Variants in INSYN2A observed in about 807,000 individuals in gnomAD.
INSYN2A encodes inhibitory synaptic factor 2A.
INSYN2A carries 17 observed loss-of-function variants against 39.4 expected under a neutral mutation model. That is an observed-to-expected ratio of 0.43 (90% confidence interval 0.30 to 0.65). INSYN2A has a LOEUF of 0.65. Ranked by LOEUF, INSYN2A falls within the 30% of genes least tolerant of loss-of-function variation. The probability of loss-of-function intolerance (pLI) is 0.14; values close to 1 mark genes in which losing one functional copy is unlikely to be tolerated. For synonymous variants in INSYN2A, 255 were observed against 265.7 expected (o/e 0.96, Z 0.39); for missense variants, 595 against 631.2 (o/e 0.94, Z 0.61).
At chr10:127,157,097 T>C (rs140699331) in intron 4 of INSYN2A, among the ~76,000 whole-genome samples, 1 of 152,324 alleles carries the variant, frequency 6.6e-6, no homozygotes, top group East Asian at 1.9e-4. Context: ...AATGCATAAA[T>C]GAGCGAACGG....
chr10:127,146,630 A>G (rs2051881681), intron 5 of INSYN2A, among the ~76,000 whole-genome samples: 1 of 152,200 alleles, frequency 6.6e-6, no homozygotes, highest in African/African-American at 2.4e-5. Flanking sequence ...GTCACTCACC[A>G]TAAATACTAA....
intron 4 of INSYN2A, among the ~76,000 whole-genome samples, chr10:127,169,638 A>G (rs1421205859): frequency 6.6e-6 from 1 of 152,172 alleles, no homozygotes; most frequent in African/African-American, 2.4e-5. Flanking sequence ...TTCAGGATAC[A>G]ATGGCAGAGT....
rs142182142 is a variant in INSYN2A at position 127,175,720 on chromosome 10, C to T, written c.676G>A (p.Gly226Arg). 1.4e-3 allele frequency: 2,179 copies of T among 1,613,974 alleles called. 6 individuals are homozygous for T. The highest frequency in any genetic ancestry group is 7.6e-3 in the African/African-American group (567 of 75,028). ...CTCCCCCGGTCCTGCTTGGCCCTCC[C>T]GAGCAGCTGGTAATCGGGCTCTTCG... is the stretch of plus-strand genomic sequence containing the variant. ...PSEEPDYQLL[G>R]RAKQDRGRPN... Residue 226 changes from glycine (G) to arginine (R), a missense_variant, in exon 4 of 6, where the codon GGG becomes AGG. Physicochemically the swap from Gly to Arg is moderately radical, Grantham distance 125. This residue lies in a region of INSYN2A where 478 missense variants were observed against 467.4 expected (regional missense o/e 1.02). Transcript: ENST00000522781. This position sits in a 1 kb window ranked among gnomAD's most constrained non-coding sequence, Gnocchi z 6.3.
chr10:127,191,296 G>C (rs190600220), intron 2 of INSYN2A, among the ~76,000 whole-genome samples: 13 of 152,150 alleles, frequency 8.5e-5, no homozygotes, highest in Admixed American at 5.9e-4. Context: ...TGAGCTTCTT[G>C]GAGTCCTCTC....
chr10:127,181,527 G>A (rs778455028), intron 2 of INSYN2A, among the ~76,000 whole-genome samples: 21 of 152,218 alleles, frequency 1.4e-4, no homozygotes, highest in East Asian at 3.8e-4. Flanking sequence ...AAGATAGCTA[G>A]GCAAGCAGTC....
intron 4 of INSYN2A, among the ~76,000 whole-genome samples, chr10:127,156,509 TCTTTTCTTTA>T (rs753036630): frequency 1.3e-5 from 2 of 151,888 alleles, no homozygotes; most frequent in Non-Finnish European, 1.5e-5. Context: ...TCTTTTCTTC[TCTTTTCTTTA>T]CTTTTCTTTT....
At chr10:127,139,138 C>T (rs2050982294) in intron 5 of INSYN2A, among the ~76,000 whole-genome samples, 6 of 152,292 alleles carry the variant, frequency 3.9e-5, no homozygotes, top group African/African-American at 1.2e-4. Flanking sequence ...AAAGGCTCAG[C>T]GTTGATGATA....
intron 2 of INSYN2A, among the ~76,000 whole-genome samples, chr10:127,178,714 G>C (rs1428252604): frequency 1.3e-5 from 2 of 152,212 alleles, no homozygotes; most frequent in African/African-American, 4.8e-5. Context: ...GGCAGTTTTA[G>C]AGAGGAGAGA....
At chr10:127,193,178 C>T (rs2134126297) in intron 1 of INSYN2A, among the ~76,000 whole-genome samples, 1 of 152,222 alleles carries the variant, frequency 6.6e-6, no homozygotes, top group East Asian at 1.9e-4. Flanking sequence ...TGTAGGTCTC[C>T]AACCAGTGGA....
Position 127,137,940 on chromosome 10 carries a change from A to C in INSYN2A, c.1337T>G (p.Val446Gly). 2 of 1,614,122 alleles carry C rather than the reference A, an allele frequency of 1.2e-6. No homozygotes were observed. The highest frequency in any genetic ancestry group is 1.7e-6 in the Non-Finnish European group (2 of 1,180,002). Reference protein sequence around the residue: ...RKLHPIEETQVIPSPYSQETY... With the variant: ...RKLHPIEETQGIPSPYSQETY... ...CTCCTGAGAGTAAGGCGAAGGTATGACCTGAGTTTCCTCAATAGGGTGGAG... is the reference window on the plus strand; with the variant it reads ...CTCCTGAGAGTAAGGCGAAGGTATGCCCTGAGTTTCCTCAATAGGGTGGAG... The change falls in exon 6 of 6, where the codon GTC becomes GGC. Residue 446 changes from valine to glycine, a missense_variant. Transcript: ENST00000522781.
chr10:127,155,531 G>C (rs960146772), intron 4 of INSYN2A, among the ~76,000 whole-genome samples: 1 of 152,072 alleles, frequency 6.6e-6, no homozygotes, highest in African/African-American at 2.4e-5. Context: ...TCTCCCGTTG[G>C]CTTTGTCAGG....
At chr10:127,188,562 G>A (rs1843775023) in intron 2 of INSYN2A, among the ~76,000 whole-genome samples, 1 of 152,116 alleles carries the variant, frequency 6.6e-6, no homozygotes, top group African/African-American at 2.4e-5. Flanking sequence ...ATTAGAGAGG[G>A]GGTGCTCAAG....
rs1027675265 is a variant in INSYN2A at position 127,175,571 on chromosome 10, G to A, written c.825C>T (p.Ala275=). The A allele has an allele frequency of 1.9e-6, 3 of 1,611,792 alleles. No individual in the cohort carries two copies. Among genetic ancestry groups the A allele is most frequent in the African/African-American group, 1.3e-5 (1 of 74,910 alleles). The stretch of plus-strand genomic sequence containing the variant: ...CCGGGCAGAGTGACCACTGGCTGGC[G>A]GCTGCAGAGTCTGACAAACCAGGCT... ...APEPGLSDSA[A]ASQWSLCPAD... Residue 275 remains alanine (A), a synonymous_variant, in exon 4 of 6, where the codon GCC becomes GCT. Transcript: ENST00000522781. The surrounding 1 kb of genome is among the most constrained non-coding windows in gnomAD (Gnocchi z 6.3).
At chr10:127,147,166 T>G (rs2051947958) in intron 5 of INSYN2A, among the ~76,000 whole-genome samples, 1 of 152,352 alleles carries the variant, frequency 6.6e-6, no homozygotes, top group Middle Eastern at 3.4e-3. Flanking sequence ...GGGAAGGAAC[T>G]TGCCTTCTTT....
intron 2 of INSYN2A, among the ~76,000 whole-genome samples, chr10:127,188,554 TAG>T (rs937866012): frequency 1.3e-5 from 2 of 152,146 alleles, no homozygotes; most frequent in Non-Finnish European, 2.9e-5. Context: ...ATTTCTGCAT[TAG>T]AGAGGGGGTG....
intron 5 of INSYN2A, among the ~76,000 whole-genome samples, chr10:127,144,832 G>A (rs749858427): frequency 3.3e-5 from 5 of 152,192 alleles, no homozygotes; most frequent in Middle Eastern, 6.8e-3. Flanking sequence ...AATGTTTATG[G>A]TATCACTGTA....
intron 2 of INSYN2A, among the ~76,000 whole-genome samples, chr10:127,190,729 C>T (rs1385195913): frequency 8.7e-5 from 12 of 138,198 alleles, no homozygotes; most frequent in South Asian, 2.6e-4. Flanking sequence ...AATCCCCCAC[C>T]GCCTTGCTGG....
chr10:127,152,319 A>G (rs1283119601), intron 5 of INSYN2A, among the ~76,000 whole-genome samples: 1 of 152,230 alleles, frequency 6.6e-6, no homozygotes, highest in Non-Finnish European at 1.5e-5. Context: ...CCCATTAAGC[A>G]AACTTCTCTG....
chr10:127,169,391 A>G (rs996230433), intron 4 of INSYN2A, among the ~76,000 whole-genome samples: 1 of 152,150 alleles, frequency 6.6e-6, no homozygotes, highest in Non-Finnish European at 1.5e-5. Context: ...AACCTTCTAA[A>G]TGTGTGAATG....
Sources: allele counts gnomAD v4.1 joint callset (sites outside exome capture counted in the v4.1 genomes callset), GRCh38; gene constraint gnomAD v4.1.1; regional missense constraint gnomAD v4.1.1; non-coding constraint Gnocchi (gnomAD v3.1); transcripts MANE v1.5; gene names NCBI Gene and HGNC (gene_info 2026-07-23, HGNC 2026-07-21).